The following BTRC variants were observed in gnomAD, a reference collection of about 807,000 sequenced individuals.
The protein encoded by BTRC is F-box/WD repeat-containing protein 1A.
BTRC carries 42 observed loss-of-function variants against 85.5 expected under a neutral mutation model. That is an observed-to-expected ratio of 0.49 (90% CI 0.38 to 0.64). BTRC has a LOEUF of 0.64. BTRC is among the 30% of genes least tolerant of loss of function. The pLI, the probability that BTRC is intolerant of heterozygous loss-of-function variation, is 0.00. For synonymous variants in BTRC, 255 were observed against 263.3 expected (o/e 0.97, Z 0.30); for missense variants, 594 against 743.5 (o/e 0.80, Z 2.34).
intron 3 of BTRC, among the ~76,000 whole-genome samples, chr10:101,478,141 A>G (rs1164761226): frequency 6.6e-6 from 1 of 151,916 alleles, no homozygotes; most frequent in Admixed American, 6.5e-5. Context: ...CTCTACTAAA[A>G]ATACAAAAAA....
chr10:101,446,404 C>G (rs150632754), intron 2 of BTRC, among the ~76,000 whole-genome samples: 2 of 152,216 alleles, frequency 1.3e-5, no homozygotes, highest in Non-Finnish European at 2.9e-5. Context: ...AAAGGCAGAC[C>G]TTTTCCTCCC....
intron 2 of BTRC, among the ~76,000 whole-genome samples, chr10:101,446,176 T>C: frequency 7.5e-6 from 1 of 132,492 alleles, no homozygotes; most frequent in Non-Finnish European, 1.5e-5. Flanking sequence ...TATTAAGCCA[T>C]CCATGTACTA....
Position 101,514,674 on chromosome 10 carries a change from A to G in BTRC, c.325-6965A>G, listed in dbSNP as rs1034179082. Among the ~76,000 whole-genome samples the G allele has an allele frequency of 3.2e-4, 49 of 152,112 alleles. 1 individual carries two copies. Among genetic ancestry groups the G allele is most frequent in the Non-Finnish European group, 6.2e-4 (42 of 68,014 alleles). On this transcript the variant is annotated intron_variant, in intron 4 of 14. Transcript: ENST00000370187. ...CACCATGTTGGCCAGGCTGGTCTCG[A>G]TTTCCTGACCTCAGGTGATCTGCCT...
chr10:101,451,843 C>A (rs1472161792), intron 2 of BTRC, among the ~76,000 whole-genome samples: 2 of 152,140 alleles, frequency 1.3e-5, no homozygotes, highest in East Asian at 3.8e-4. Context: ...GCCTGCCGCT[C>A]AGGGGCTTTG....
intron 4 of BTRC, among the ~76,000 whole-genome samples, chr10:101,482,725 C>G (rs1945873524): frequency 6.6e-6 from 1 of 152,088 alleles, no homozygotes; most frequent in Admixed American, 6.6e-5. Context: ...ATTGCTTGAC[C>G]TTTGAATGGA....
chr10:101,385,501 A>G (rs560742336), intron 1 of BTRC, among the ~76,000 whole-genome samples: 5 of 151,596 alleles, frequency 3.3e-5, no homozygotes, highest in African/African-American at 1.2e-4. Flanking sequence ...CTTATCTAAA[A>G]TGTCACTAAA....
chr10:101,386,787 A>T (rs1176674129), intron 1 of BTRC, among the ~76,000 whole-genome samples: 1 of 152,126 alleles, frequency 6.6e-6, no homozygotes, highest in East Asian at 1.9e-4. Flanking sequence ...TTCTACTGAT[A>T]GGTGAATTGG....
At chr10:101,438,810 T>C (rs886243111) in intron 2 of BTRC, among the ~76,000 whole-genome samples, 2 of 152,166 alleles carry the variant, frequency 1.3e-5, no homozygotes, top group African/African-American at 4.8e-5. Flanking sequence ...TTGGGGAGAA[T>C]TGGTAAAATG....
At chr10:101,509,294 G>T (rs1460780729) in intron 4 of BTRC, among the ~76,000 whole-genome samples, 1 of 108,474 alleles carries the variant, frequency 9.2e-6, no homozygotes, top group Non-Finnish European at 1.7e-5. Flanking sequence ...TCGCTCTGTC[G>T]CCCAGGCTGG....
chr10:101,524,235 C>T (rs2062159157), intron 5 of BTRC, among the ~76,000 whole-genome samples: 1 of 152,114 alleles, frequency 6.6e-6, no homozygotes, highest in Non-Finnish European at 1.5e-5. Context: ...TTTGCCCCCT[C>T]TTTACTCATT....
chr10:101,377,119 T>C (rs1296776487), intron 1 of BTRC, among the ~76,000 whole-genome samples: 1 of 152,222 alleles, frequency 6.6e-6, no homozygotes, highest in East Asian at 1.9e-4. Context: ...TTTTATGTTT[T>C]TGAGAATGTC....
At chr10:101,436,362 G>C (rs1944528728) in intron 2 of BTRC, among the ~76,000 whole-genome samples, 1 of 152,158 alleles carries the variant, frequency 6.6e-6, no homozygotes, top group Non-Finnish European at 1.5e-5. Flanking sequence ...TATAAGTAAG[G>C]GGCCGGGCAC....
At chr10:101,505,157 G>GTATGTA (rs1946497344) in intron 4 of BTRC, among the ~76,000 whole-genome samples, 2 of 118,928 alleles carry the variant, frequency 1.7e-5, no homozygotes, top group Non-Finnish European at 3.4e-5. Flanking sequence ...ATATGTATAT[G>GTATGTA]TATATATATA....
chr10:101,404,293 G>T (rs1943566905), intron 1 of BTRC, among the ~76,000 whole-genome samples: 1 of 151,736 alleles, frequency 6.6e-6, no homozygotes, highest in African/African-American at 2.4e-5. Context: ...GCCTCCCAAA[G>T]TGCTGGGATT....
chr10:101,529,741 C>T (rs560048384), intron 6 of BTRC, among the ~76,000 whole-genome samples: 2 of 152,218 alleles, frequency 1.3e-5, no homozygotes, highest in South Asian at 2.1e-4. Flanking sequence ...GAAATTTTCT[C>T]AACTAATTTT....
chr10:101,378,115 A>G (rs1340463905), intron 1 of BTRC, among the ~76,000 whole-genome samples: 2 of 152,160 alleles, frequency 1.3e-5, no homozygotes, highest in African/African-American at 2.4e-5. Context: ...TATTCAGGGA[A>G]GTAATTTAGA....
rs936607138 is a variant in BTRC at position 101,557,097 on chromosome 10, A to C, written c.*3974A>C. ...CTCCAATGATGGGACAGGCCTAACA[A>C]CACATGTAAGCTTCCCCGAGAGCTT... On this transcript the variant is annotated 3_prime_UTR_variant, in exon 15 of 15. Transcript: ENST00000370187. 7 of 152,316 alleles carry C rather than the reference A, an allele frequency of 4.6e-5. No individual in the cohort carries two copies. Among genetic ancestry groups the C allele is most frequent in the Admixed American group, 2.0e-4 (3 of 15,298 alleles). 9.4% of individuals were successfully genotyped at this position (152,316 alleles called of 1,614,324 possible). A position where few individuals can be genotyped will look rare whatever the true frequency, so the allele number is the denominator to read the frequency against.
chr10:101,533,466 G>T (rs1004475006), intron 9 of BTRC, among the ~76,000 whole-genome samples: 1 of 152,138 alleles, frequency 6.6e-6, no homozygotes, highest in African/African-American at 2.4e-5. Flanking sequence ...GTACAGGTGA[G>T]CTGTGCTCTC....
At chr10:101,525,780 A>T (rs1272740217) in intron 5 of BTRC, among the ~76,000 whole-genome samples, 1 of 152,010 alleles carries the variant, frequency 6.6e-6, no homozygotes, top group Non-Finnish European at 1.5e-5. Flanking sequence ...GTTAGCTTTA[A>T]CTTCCTTATC....
Sources: gnomAD v4.1 joint callset for allele counts (sites outside exome capture counted in the v4.1 genomes callset) on GRCh38, gnomAD v4.1.1 for gene constraint, MANE v1.5 for transcripts, NCBI Gene and HGNC (gene_info 2026-07-23, HGNC 2026-07-21) for gene names.